Variants in ERBB4 observed in about 807,000 individuals in gnomAD.
The protein encoded by ERBB4 is erb-b2 receptor tyrosine kinase 4.
Under a neutral mutation model 158.0 loss-of-function variants are expected in ERBB4, and 42 were observed. The observed-to-expected ratio is 0.27, with a 90% CI of 0.21 to 0.34. The LOEUF is 0.34. ERBB4 is among the 10% of genes least tolerant of loss of function. ERBB4 has a pLI of 1.00. For missense variants in ERBB4, 1,333 were observed against 1,624.1 expected (o/e 0.82, Z 3.08); for synonymous variants, 583 against 558.7 (o/e 1.04, Z -0.61).
intron 1 of ERBB4, among the ~76,000 whole-genome samples, chr2:212,260,081 A>AAAAAAAAAAAAAAAG (rs1553606480): frequency 2.0e-5 from 3 of 148,804 alleles, no homozygotes; most frequent in African/African-American, 7.6e-5. Flanking sequence ...AAAAAAAAAA[A>AAAAAAAAAAAAAAAG]AAAAGAAAAG....
At chr2:212,387,225 G>T (rs1448903396) in intron 1 of ERBB4, among the ~76,000 whole-genome samples, 3 of 151,922 alleles carry the variant, frequency 2.0e-5, no homozygotes, top group African/African-American at 7.2e-5. Flanking sequence ...TTATTTTCTG[G>T]ATACAAAGCG....
chr2:212,145,414 T>C (rs2080632076), intron 1 of ERBB4, among the ~76,000 whole-genome samples: 1 of 152,174 alleles, frequency 6.6e-6, no homozygotes, highest in African/African-American at 2.4e-5. Context: ...CAGGGTTGTC[T>C]AGTATAAAAT....
Position 211,633,482 on chromosome 2 carries a change from ATT to A in ERBB4, c.1947-2890_1947-2889del, listed in dbSNP as rs3068983. 1.7e-3 allele frequency among the ~76,000 whole-genome samples: 218 copies of A among 127,230 alleles called. 1 individual carries two copies. Among genetic ancestry groups the A allele is most frequent in the African/African-American group, 6.2e-3 (214 of 34,520 alleles). The allele number at this position is 127,230 out of a possible 152,430, so 83.5% of individuals were successfully genotyped here. A position where few individuals can be genotyped will look rare whatever the true frequency, so the allele number is the denominator to read the frequency against. On this transcript the variant is annotated intron_variant, in intron 16 of 27. Transcript: ENST00000342788. ...TATTTTTACTAATTTGTATTTTCTA[ATT>A]TTTTTTTTTTTTTTTTTTAAATTCA...
At chr2:212,047,250 G>A (rs911992690) in intron 2 of ERBB4, among the ~76,000 whole-genome samples, 3 of 152,028 alleles carry the variant, frequency 2.0e-5, no homozygotes, top group Admixed American at 1.3e-4. Context: ...AAATATACAT[G>A]AATTTGAATA....
rs775435175 is a variant in ERBB4, at chr2:211,944,223, C to CA, written c.421+3206dup. Among the ~76,000 whole-genome samples the CA allele has an allele frequency of 1.9e-3, 41 of 21,724 alleles. No individual in the cohort carries two copies. In the East Asian group the frequency reaches 0.054, roughly 29 times the overall value. 14.3% of individuals were successfully genotyped at this position (21,724 alleles called of 152,430 possible). ...TACTATATATATATATACACACACACACAAAAAAAAAGAACACTTAAAGTC... is the reference window on the plus strand; with the variant it reads ...TACTATATATATATATACACACACACAACAAAAAAAAAGAACACTTAAAGTC... On this transcript the variant is annotated intron_variant, in intron 3 of 27. Coordinates refer to ENST00000342788, the MANE Select transcript of ERBB4 (RefSeq NM_005235.3).
intron 1 of ERBB4, among the ~76,000 whole-genome samples, chr2:212,420,639 T>C (rs2091771102): frequency 6.6e-6 from 1 of 152,148 alleles, no homozygotes; most frequent in Non-Finnish European, 1.5e-5. Context: ...CTTATAGAAG[T>C]TTCTTTCTGC....
At chr2:212,531,596 T>G (rs1692760874) in intron 1 of ERBB4, among the ~76,000 whole-genome samples, 1 of 152,176 alleles carries the variant, frequency 6.6e-6, no homozygotes. Context: ...CTCCATCAAC[T>G]AACTGGTGAT....
intron 1 of ERBB4, among the ~76,000 whole-genome samples, chr2:212,484,256 A>G (rs191618529): frequency 2.0e-5 from 3 of 152,342 alleles, no homozygotes; most frequent in African/African-American, 4.8e-5. Flanking sequence ...AACGTAATCT[A>G]AAGTTCAGTC....
intron 2 of ERBB4, among the ~76,000 whole-genome samples, chr2:211,969,715 A>G (rs1343751537): frequency 2.0e-5 from 3 of 151,896 alleles, no homozygotes; most frequent in Non-Finnish European, 4.4e-5. Context: ...ACCATAAAAT[A>G]GGTATTTCTG....
At chr2:211,998,716 T>C (rs1324124243) in intron 2 of ERBB4, among the ~76,000 whole-genome samples, 1 of 151,886 alleles carries the variant, frequency 6.6e-6, no homozygotes, top group Admixed American at 6.6e-5. Context: ...TCATAGCTCT[T>C]TGTAAACAAA....
chr2:212,403,606 A>C (rs1190454178), intron 1 of ERBB4, among the ~76,000 whole-genome samples: 1 of 152,078 alleles, frequency 6.6e-6, no homozygotes, highest in East Asian at 1.9e-4. Context: ...TGAGGACATT[A>C]TACCAAGTTA....
chr2:211,542,999 C>T (rs983601618), intron 20 of ERBB4, among the ~76,000 whole-genome samples: 51 of 151,912 alleles, frequency 3.4e-4, no homozygotes, highest in African/African-American at 1.2e-3. Flanking sequence ...CAGAATAAGG[C>T]GATCCATATT....
chr2:212,389,576 C>A lies in ERBB4; in HGVS notation c.82+148873G>T, dbSNP rs188350365. 3.3e-3 allele frequency among the ~76,000 whole-genome samples: 502 copies of A among 152,002 alleles called. 4 individuals carry two copies. Among genetic ancestry groups the A allele is most frequent in the Admixed American group, 8.0e-3 (122 of 15,230 alleles). The stretch of plus-strand genomic sequence containing the variant: ...CTCATTTCTTTATACAATACTTTAG[C>A]AAATATGGAACACTGTGTATTTGCT... On this transcript the variant is annotated intron_variant, in intron 1 of 27. Coordinates refer to ENST00000342788, the MANE Select transcript of ERBB4 (RefSeq NM_005235.3).
chr2:211,392,558 C>CCACACA (rs5838261), intron 25 of ERBB4, among the ~76,000 whole-genome samples: 2,605 of 140,932 alleles, frequency 0.018, 31 homozygotes, highest in Middle Eastern at 0.044. Flanking sequence ...CTCTCTTACT[C>CCACACA]CACACACACA....
At chr2:211,482,224 C>A (rs1392815654) in intron 20 of ERBB4, among the ~76,000 whole-genome samples, 4 of 152,144 alleles carry the variant, frequency 2.6e-5, no homozygotes, top group Non-Finnish European at 5.9e-5. Flanking sequence ...ACTATCCAAA[C>A]CCAGGTGAAG....
intron 16 of ERBB4, among the ~76,000 whole-genome samples, chr2:211,652,560 T>C (rs535364607): frequency 7.1e-4 from 108 of 152,330 alleles, no homozygotes; most frequent in Non-Finnish European, 1.2e-3. Context: ...CTCTCTCATA[T>C]ATCACACATG....
chr2:212,087,473 T>C (rs1245138442), intron 2 of ERBB4, among the ~76,000 whole-genome samples: 1 of 152,070 alleles, frequency 6.6e-6, no homozygotes, highest in Non-Finnish European at 1.5e-5. Context: ...CACATCATCA[T>C]GGTTCCTGGC....
intron 1 of ERBB4, among the ~76,000 whole-genome samples, chr2:212,320,876 T>A (rs553685854): frequency 6.7e-6 from 1 of 150,316 alleles, no homozygotes; most frequent in East Asian, 2.0e-4. Context: ...CATCAATATA[T>A]TATTATTATT....
chr2:212,375,919 T>A (rs2090303993), intron 1 of ERBB4, among the ~76,000 whole-genome samples: 1 of 152,106 alleles, frequency 6.6e-6, no homozygotes, highest in Non-Finnish European at 1.5e-5. Flanking sequence ...AATCAGCAGT[T>A]TACAAATGGA....
Sources: gnomAD v4.1 joint callset for allele counts (sites outside exome capture counted in the v4.1 genomes callset) on GRCh38, gnomAD v4.1.1 for gene constraint, MANE v1.5 for transcripts, NCBI Gene and HGNC (gene_info 2026-07-23, HGNC 2026-07-21) for gene names.